Variants in TTC5 observed in about 807,000 individuals in gnomAD.
TTC5 encodes the protein tetratricopeptide repeat protein 5.
TTC5 carries 46 observed loss-of-function variants against 57.4 expected under a neutral mutation model. The observed-to-expected ratio is 0.80, with a 90% confidence interval of 0.63 to 1.03. TTC5 has a LOEUF of 1.03. TTC5 is among the 50% of genes least tolerant of loss of function. The pLI is 0.00. For synonymous variants in TTC5, 190 were observed against 203.5 expected, an observed-to-expected ratio of 0.93 and a Z score of 0.57; for missense variants, 504 against 528.1, an observed-to-expected ratio of 0.95 and a Z score of 0.45.
intron 9 of TTC5, 90 bp downstream of exon 9, chr14:20,291,893 T>A: frequency 1.7e-6 from 2 of 1,196,200 alleles, no homozygotes; most frequent in Non-Finnish European, 2.2e-6. Flanking sequence ...CATACTTACA[T>A]ATAATTATTT....
In TTC5 at chr14:20,305,930, G is replaced by C; in HGVS notation, c.8C>G (p.Ala3Gly). The change falls in exon 1 of 10, where the codon GCT becomes GGT. Residue 3 changes from alanine to glycine, a missense_variant. By Grantham distance (60) the Ala-to-Gly change is moderately conservative. Coordinates refer to ENST00000258821, the MANE Select transcript of TTC5 (RefSeq NM_138376.3). MMADEEEEVKPIL... is the reference protein window; with the variant it reads MMGDEEEEVKPIL... ...CGGCTTGACTTCTTCCTCTTCATCAGCCATCATCTCCCGGCCACTCCACCC... is the reference window on the plus strand; with the variant it reads ...CGGCTTGACTTCTTCCTCTTCATCACCCATCATCTCCCGGCCACTCCACCC... 1 of 1,613,938 alleles carries C rather than the reference G, an allele frequency of 6.2e-7. No homozygotes were observed. The highest frequency in any genetic ancestry group is 8.5e-7 in the Non-Finnish European group (1 of 1,179,972).
At chr14:20,298,775 C>G in intron 5 of TTC5, 22 bp downstream of exon 5, 1 of 1,561,142 alleles carries the variant, frequency 6.4e-7, no homozygotes, top group Non-Finnish European at 8.8e-7. Context: ...ATTCATCTGG[C>G]CTGGTGACCA....
intron 8 of TTC5, chr14:20,292,672 T>C (rs147330686): frequency 3.9e-4 from 59 of 152,342 alleles, no homozygotes; most frequent in African/African-American, 1.3e-3. Flanking sequence ...AGTCAGACAA[T>C]GAAGTCATCA....
intron 3 of TTC5, chr14:20,300,248 C>T (rs974419496): frequency 2.4e-4 from 39 of 160,500 alleles, no homozygotes; most frequent in African/African-American, 9.4e-4. Context: ...ATCCTCCTGC[C>T]TCGGCCTCTC....
In TTC5 at chr14:20,288,702, C is replaced by T. The variant is rs187162877; in HGVS notation, c.*925G>A. 16 of 152,356 alleles carry T rather than the reference C, an allele frequency of 1.1e-4. No individual in the cohort carries two copies. Among genetic ancestry groups the T allele is most frequent in the African/African-American group, 3.6e-4 (15 of 41,578 alleles). 9.4% of individuals were successfully genotyped at this position (152,356 alleles called of 1,614,324 possible). A position where few individuals can be genotyped will look rare whatever the true frequency, so the allele number is the denominator to read the frequency against. On this transcript the variant is annotated 3_prime_UTR_variant, in exon 10 of 10. Coordinates refer to ENST00000258821, the MANE Select transcript of TTC5 (RefSeq NM_138376.3). The stretch of plus-strand genomic sequence containing the variant: ...GTGGTGGGATTACAGGCTGAGCCAC[C>T]GTGCCAGGCCAATTCAATTGGTTAT...
rs1206140079 is a variant in TTC5, at chr14:20,287,419, G to A, written c.*2208C>T. 2.6e-5 allele frequency: 4 copies of A among 152,158 alleles called. No homozygotes were observed. Among genetic ancestry groups the A allele is most frequent in the Admixed American group, 2.6e-4 (4 of 15,302 alleles). 9.4% of individuals were successfully genotyped at this position (152,158 alleles called of 1,614,324 possible). A position where few individuals can be genotyped will look rare whatever the true frequency, so the allele number is the denominator to read the frequency against. On this transcript the variant is annotated 3_prime_UTR_variant, in exon 10 of 10. Coordinates refer to ENST00000258821, the MANE Select transcript of TTC5 (RefSeq NM_138376.3). ...ATGTAGTGCTTTGGTAGTAAAAAAA[G>A]AAAAACTGGAAACCCAAATATCCTT...
rs56828704 is a variant in TTC5 at position 20,300,143 on chromosome 14, G to GTATGTGTGTGTATATATATA, written c.396+463_396+464insTATATATATACACACACATA. Reference sequence around the variant, plus strand: ...GCATGAGTCACCACGTCTGGTCCATGTATATATATATATTTTTTTTTTTTT... The same window carrying GTATGTGTGTGTATATATATA: ...GCATGAGTCACCACGTCTGGTCCATGTATGTGTGTGTATATATATATATATATATATATTTTTTTTTTTTT... On this transcript the variant is annotated intron_variant, in intron 3 of 9. Transcript: ENST00000258821. 4.6e-3 allele frequency among the ~76,000 whole-genome samples: 125 copies of GTATGTGTGTGTATATATATA among 27,140 alleles called. 17 individuals carry two copies. Among genetic ancestry groups the GTATGTGTGTGTATATATATA allele is most frequent in the Non-Finnish European group, 5.1e-3 (60 of 11,840 alleles). 17.8% of individuals were successfully genotyped at this position (27,140 alleles called of 152,430 possible).
Position 20,287,908 on chromosome 14 carries a change from T to C in TTC5, c.*1719A>G, listed in dbSNP as rs190889398. ...GCCTCAAAATGACACCCAAAACTAA[T>C]TTAAGACTCCATATGTGGTATAACA... On this transcript the variant is annotated 3_prime_UTR_variant, in exon 10 of 10. Coordinates refer to ENST00000258821, the MANE Select transcript of TTC5 (RefSeq NM_138376.3). 25 of 152,350 alleles carry C rather than the reference T, an allele frequency of 1.6e-4. No individual in the cohort carries two copies. Among genetic ancestry groups the C allele is most frequent in the Admixed American group, 1.3e-3 (20 of 15,302 alleles). 9.4% of individuals were successfully genotyped at this position (152,350 alleles called of 1,614,324 possible).
At chr14:20,294,218 G>GA (rs1243998768) in intron 8 of TTC5, 1 of 151,708 alleles carries the variant, frequency 6.6e-6, no homozygotes. Flanking sequence ...GATATAAAGA[G>GA]AAAAAAGGAA....
chr14:20,287,315 G>C lies in TTC5; in HGVS notation c.*2312C>G, dbSNP rs1197423214. ...CAAGGGATGCTGATGCTGCTGGTCT[G>C]GGAACCACTCTTCAAGAGCCATTGC... On this transcript the variant is annotated 3_prime_UTR_variant, in exon 10 of 10. Coordinates refer to ENST00000258821, the MANE Select transcript of TTC5 (RefSeq NM_138376.3). 6.6e-6 allele frequency: 1 copy of C among 152,174 alleles called. No homozygotes were observed. The highest frequency in any genetic ancestry group is 1.5e-5 in the Non-Finnish European group (1 of 68,030). The allele number at this position is 152,174 out of a possible 1,614,324, so 9.4% of individuals were successfully genotyped here.
intron 8 of TTC5, chr14:20,294,406 A>G (rs1214854434): frequency 1.3e-5 from 2 of 152,178 alleles, no homozygotes; most frequent in Non-Finnish European, 2.9e-5. Flanking sequence ...ACTGTTCTCA[A>G]CTATCTTTTT....
chr14:20,301,848 T>C lies in TTC5; in HGVS notation c.169A>G (p.Met57Val). 1 of 1,614,074 alleles carries C rather than the reference T, an allele frequency of 6.2e-7. No individual in the cohort carries two copies. Among genetic ancestry groups the C allele is most frequent in the Non-Finnish European group, 8.5e-7 (1 of 1,179,978 alleles). ...GGGCTCATACCCACTACTTCTTCCA[T>C]CTGCTGTAGGGTTTTCTCCATCTCC... ...QKEMEKTLQQ[M>V]EEVVGSVQGK... The change falls in exon 2 of 10, where the codon ATG becomes GTG. Residue 57 changes from methionine to valine, a missense_variant. Coordinates refer to ENST00000258821, the MANE Select transcript of TTC5 (RefSeq NM_138376.3).
rs183512507 is a variant in TTC5, at chr14:20,296,441, T to C, written c.645A>G (p.Lys215=). The change falls in exon 6 of 10, where the codon AAA becomes AAG. Residue 215 remains lysine (K), a synonymous_variant. Coordinates refer to ENST00000258821, the MANE Select transcript of TTC5 (RefSeq NM_138376.3). ...QALSAYAQAE[K]VDRKASSNPD... is the part of the protein sequence containing the mutation. ...GATTGCTAGAAGCTTTTCTGTCAAC[T>C]TTCTCCTATAATGGGATGAAAAGAT... 10 of 1,611,234 alleles carry C rather than the reference T, an allele frequency of 6.2e-6. No homozygotes were observed. The East Asian group carries it at 2.2e-4, about 36-fold the overall frequency.
Position 20,295,117 on chromosome 14 carries a change from A to T in TTC5, c.1058+195T>A, listed in dbSNP as rs887251300. 3 of 589,220 alleles carry T rather than the reference A, an allele frequency of 5.1e-6. No homozygotes were observed. The African/African-American group carries it at 5.6e-5, about 11-fold the overall frequency. The allele number at this position is 589,220 out of a possible 1,614,324, so 36.5% of individuals were successfully genotyped here. On this transcript the variant is annotated intron_variant, in intron 8 of 9. Coordinates refer to ENST00000258821, the MANE Select transcript of TTC5 (RefSeq NM_138376.3). ...AGGGATACAAAATGGGCAGTGACAG[A>T]ATCTACAAAAGCCTCTGATCAAAAG...
Position 20,289,402 on chromosome 14 carries a change from A to T in TTC5, c.*225T>A, listed in dbSNP as rs2138802371. On this transcript the variant is annotated 3_prime_UTR_variant, in exon 10 of 10. Coordinates refer to ENST00000258821, the MANE Select transcript of TTC5 (RefSeq NM_138376.3). ...CTTAAAACATAGAGAGCAGTGGAAG[A>T]GACAGGAGAGATATGCCAGAAGAGT... The T allele has an allele frequency of 2.5e-6, 1 of 402,284 alleles. No individual in the cohort carries two copies. Among genetic ancestry groups the T allele is most frequent in the African/African-American group, 2.0e-5 (1 of 50,774 alleles). 24.9% of individuals were successfully genotyped at this position (402,284 alleles called of 1,614,324 possible). A position where few individuals can be genotyped will look rare whatever the true frequency, so the allele number is the denominator to read the frequency against.
At chr14:20,290,071 C>G (rs573362570) in intron 9 of TTC5, among the ~76,000 whole-genome samples, 2 of 152,214 alleles carry the variant, frequency 1.3e-5, no homozygotes, top group East Asian at 3.9e-4. Flanking sequence ...CCTTTTCCCA[C>G]GGTGTTTCCT....
chr14:20,292,803 G>C (rs902877976), intron 8 of TTC5: 1 of 152,202 alleles, frequency 6.6e-6, no homozygotes, highest in African/African-American at 2.4e-5. Context: ...GGAAAGCAGG[G>C]AAGATTTCCT....
chr14:20,296,286 C>A, intron 6 of TTC5, 104 bp downstream of exon 6: 1 of 931,054 alleles, frequency 1.1e-6, no homozygotes, highest in Non-Finnish European at 1.8e-6. Flanking sequence ...CTCTCGCAGT[C>A]TGTACCCAAT....
rs568440083 is a variant in TTC5, at chr14:20,295,671, A to T, written c.843+37T>A. 14 of 1,571,136 alleles carry T rather than the reference A, an allele frequency of 8.9e-6. No individual in the cohort carries two copies. In the South Asian group the frequency reaches 1.4e-4, roughly 16 times the overall value. Reference sequence around the variant, plus strand: ...TTATTGACCCACGACAAAATAAAAAAAAAAAAAGTGGAATTCAGCCCTTCA... The same window carrying T: ...TTATTGACCCACGACAAAATAAAAATAAAAAAAGTGGAATTCAGCCCTTCA... On this transcript the variant is annotated intron_variant, in intron 7 of 9. Transcript: ENST00000258821.
Sources: allele counts gnomAD v4.1 joint callset (sites outside exome capture counted in the v4.1 genomes callset), GRCh38; gene constraint gnomAD v4.1.1; transcripts MANE v1.5; gene names NCBI Gene and HGNC (gene_info 2026-07-23, HGNC 2026-07-21).